The following VWA3B variants were observed in gnomAD, a reference collection of about 807,000 sequenced individuals.
VWA3B encodes von Willebrand factor A domain-containing protein 3B.
In VWA3B, 138 loss-of-function variants were observed where a neutral mutation model predicts 158.3. The observed-to-expected ratio is 0.87, with a 90% CI of 0.76 to 1.00. VWA3B has a LOEUF of 1.00. Among genes scored for constraint, VWA3B ranks in the 50% least tolerant of loss-of-function variants. The pLI, the probability that VWA3B is intolerant of heterozygous loss-of-function variation, is 0.00. For missense variants in VWA3B, 1,555 were observed against 1,565.1 expected (o/e 0.99, Z 0.11); for synonymous variants, 596 against 587.3 (o/e 1.01, Z -0.21).
chr2:98,238,123 A>C (rs923027031), intron 19 of VWA3B, among the ~76,000 whole-genome samples: 6 of 152,172 alleles, frequency 3.9e-5, no homozygotes, highest in Admixed American at 3.9e-4. Flanking sequence ...GAATTGGTGA[A>C]TTTTATTCTA....
At chr2:98,224,438 G>A (rs139164194) in intron 14 of VWA3B, among the ~76,000 whole-genome samples, 56 of 152,258 alleles carry the variant, frequency 3.7e-4, no homozygotes, top group African/African-American at 1.3e-3. Flanking sequence ...TGGAAGTGAT[G>A]TTTACATATT....
At chr2:98,191,029 A>C (rs574299062) in intron 10 of VWA3B, among the ~76,000 whole-genome samples, 25 of 152,142 alleles carry the variant, frequency 1.6e-4, no homozygotes, top group African/African-American at 5.5e-4. Flanking sequence ...CTCTGATGAA[A>C]ATGCTTTTGT....
chr2:98,244,999 G>A (rs1044452712), intron 19 of VWA3B, among the ~76,000 whole-genome samples: 9 of 151,928 alleles, frequency 5.9e-5, no homozygotes, highest in Non-Finnish European at 1.3e-4. Flanking sequence ...TCCCCATCTC[G>A]ATCACTACCT....
At chr2:98,196,496 G>T (rs915084142) in intron 12 of VWA3B, among the ~76,000 whole-genome samples, 1 of 152,194 alleles carries the variant, frequency 6.6e-6, no homozygotes, top group Non-Finnish European at 1.5e-5. Flanking sequence ...CACTCAGGGT[G>T]GTCTGAGCCT....
chr2:98,287,222 A>G (rs1303189535), intron 22 of VWA3B, among the ~76,000 whole-genome samples: 3 of 151,988 alleles, frequency 2.0e-5, no homozygotes, highest in Non-Finnish European at 2.9e-5. Flanking sequence ...CCTTGTGCCT[A>G]TTTCTGGGTT....
chr2:98,230,033 T>TA lies in VWA3B; in HGVS notation c.2151-16dup. On this transcript the variant is annotated splice_polypyrimidine_tract_variant and intron_variant, in intron 15 of 27. Coordinates refer to ENST00000477737, the MANE Select transcript of VWA3B (RefSeq NM_144992.5). Reference sequence around the variant, plus strand: ...CTCTCTCTTTTTTTGCTCGACTTTTTATCTAAATCAAAACAGGCATCAAAA... The same window carrying TA: ...CTCTCTCTTTTTTTGCTCGACTTTTTAATCTAAATCAAAACAGGCATCAAAA... 1 of 1,555,828 alleles carries TA rather than the reference T, an allele frequency of 6.4e-7. No homozygotes were observed. The highest frequency in any genetic ancestry group is 8.6e-7 in the Non-Finnish European group (1 of 1,158,064).
intron 25 of VWA3B, among the ~76,000 whole-genome samples, chr2:98,303,421 G>GGTGTGTGTGTGTGTGTGTGTGTGT (rs58157632): frequency 1.4e-5 from 2 of 146,546 alleles, no homozygotes; most frequent in African/African-American, 5.1e-5. Context: ...GTTATGTGAA[G>GGTGTGTGTGTGTGTGTGTGTGTGT]GTGTGTGTGT....
At chr2:98,180,957 G>C (rs1680518609) in intron 8 of VWA3B, 59 bp from the exon 9 acceptor site, 7 of 1,527,862 alleles carry the variant, frequency 4.6e-6, no homozygotes, top group Admixed American at 1.8e-5. Context: ...ATATTAAGTT[G>C]GGGGTGTAAT....
chr2:98,148,070 T>C lies in VWA3B; in HGVS notation c.988+14131T>C, dbSNP rs377597839. On this transcript the variant is annotated intron_variant, in intron 7 of 27. Transcript: ENST00000477737. Reference sequence around the variant, plus strand: ...TTTTTTATGGCTGCATAGTATTCCATGGTGTATATGTGTTGTGTGGTGTAT... The same window carrying C: ...TTTTTTATGGCTGCATAGTATTCCACGGTGTATATGTGTTGTGTGGTGTAT... Among the ~76,000 whole-genome samples, 11 of 152,338 alleles carry C rather than the reference T, an allele frequency of 7.2e-5. No individual in the cohort carries two copies. The South Asian group carries it at 1.0e-3, about 14-fold the overall frequency.
Position 98,121,293 on chromosome 2 carries a change from T to C in VWA3B, c.543-6T>C, listed in dbSNP as rs185721648. ...CCCAGTGACCACTCCATGTGATCCT[T>C]TTCAGGGTTTCTCAAGAGCCTGTGA... On this transcript the variant is annotated splice_region_variant and splice_polypyrimidine_tract_variant and intron_variant, in intron 4 of 27. Coordinates refer to ENST00000477737, the MANE Select transcript of VWA3B (RefSeq NM_144992.5). The C allele has an allele frequency of 7.1e-5, 115 of 1,611,788 alleles. 1 individual carries two copies. In the Admixed American group the frequency reaches 1.9e-3, roughly 26 times the overall value.
intron 7 of VWA3B, among the ~76,000 whole-genome samples, chr2:98,148,460 T>C (rs6744417): frequency 0.34 from 51,612 of 152,114 alleles, 9,247 homozygotes; most frequent in African/African-American, 0.4. Flanking sequence ...GTATTACATA[T>C]GGATAATTTA....
intron 23 of VWA3B, among the ~76,000 whole-genome samples, chr2:98,294,561 G>C (rs1000769697): frequency 6.6e-6 from 1 of 152,256 alleles, no homozygotes; most frequent in East Asian, 1.9e-4. Context: ...GCGATAGCCT[G>C]GCTTATCTGG....
At chr2:98,095,944 C>G (rs542659820) in intron 2 of VWA3B, among the ~76,000 whole-genome samples, 28 of 152,272 alleles carry the variant, frequency 1.8e-4, no homozygotes, top group African/African-American at 6.7e-4. Context: ...ATATGTTGAA[C>G]CATCCTTGCA....
intron 2 of VWA3B, among the ~76,000 whole-genome samples, chr2:98,101,538 T>C (rs928492773): frequency 1.3e-5 from 2 of 152,240 alleles, no homozygotes; most frequent in African/African-American, 4.8e-5. Context: ...TGAGCAACCA[T>C]TAATACCATT....
Position 98,301,861 on chromosome 2 carries a change from T to C in VWA3B, c.3420+1645T>C, listed in dbSNP as rs143024520. ...TGACAGGAAGCATTAAATTTTAATA[T>C]GGTCAAATTTATCCCTCTTCTCCTT... is the stretch of plus-strand genomic sequence containing the variant. On this transcript the variant is annotated intron_variant, in intron 25 of 27. Transcript: ENST00000477737. 1.0e-3 allele frequency among the ~76,000 whole-genome samples: 156 copies of C among 152,358 alleles called. 2 individuals carry two copies. Among genetic ancestry groups the C allele is most frequent in the Middle Eastern group, 0.01 (3 of 294 alleles).
chr2:98,260,049 TCA>T (rs1205099689), intron 21 of VWA3B, among the ~76,000 whole-genome samples: 2 of 151,740 alleles, frequency 1.3e-5, no homozygotes, highest in African/African-American at 4.8e-5. Flanking sequence ...AGTTTTCCCT[TCA>T]TTGTTGCTCT....
At chr2:98,167,867 G>A (rs904993294) in intron 8 of VWA3B, among the ~76,000 whole-genome samples, 1 of 152,178 alleles carries the variant, frequency 6.6e-6, no homozygotes, top group African/African-American at 2.4e-5. Context: ...TACTTGGAAA[G>A]GTCTTGCCTC....
chr2:98,104,523 C>A (rs62154871), intron 2 of VWA3B, among the ~76,000 whole-genome samples: 24,401 of 152,170 alleles, frequency 0.16, 2,421 homozygotes, highest in Non-Finnish European at 0.19. Context: ...CATGAGGGAT[C>A]TGTCGCCGTG....
At chr2:98,267,948 G>C (rs897435054) in intron 21 of VWA3B, among the ~76,000 whole-genome samples, 14 of 152,036 alleles carry the variant, frequency 9.2e-5, no homozygotes, top group Non-Finnish European at 1.9e-4. Flanking sequence ...AGAAGAAATG[G>C]ATAAATTCCT....
Sources: allele counts gnomAD v4.1 joint callset (sites outside exome capture counted in the v4.1 genomes callset), GRCh38; gene constraint gnomAD v4.1.1; transcripts MANE v1.5; gene names NCBI Gene and HGNC (gene_info 2026-07-23, HGNC 2026-07-21).